Variants in TPD52L1 observed in about 807,000 individuals in gnomAD.
TPD52L1 encodes the protein TPD52 like 1, also known as tumor protein D53.
TPD52L1 carries 18 observed loss-of-function variants against 28.7 expected under a neutral mutation model. The observed-to-expected ratio is 0.63, with a 90% CI of 0.43 to 0.93. The LOEUF (loss-of-function observed/expected upper bound fraction) is 0.93. Ranked by LOEUF, TPD52L1 falls within the 40% of genes least tolerant of loss-of-function variation. The pLI, the probability that TPD52L1 is intolerant of heterozygous loss-of-function variation, is 0.00. For missense variants in TPD52L1, 203 were observed against 254.8 expected (o/e 0.80, Z 1.39); for synonymous variants, 75 against 88.8 (o/e 0.84, Z 0.88).
intron 1 of TPD52L1, among the ~76,000 whole-genome samples, chr6:125,217,043 A>G (rs1452232518): frequency 6.6e-6 from 1 of 152,220 alleles, no homozygotes; most frequent in Non-Finnish European, 1.5e-5. Context: ...TTAAATAATT[A>G]TAAGTACACA....
intron 1 of TPD52L1, among the ~76,000 whole-genome samples, chr6:125,210,956 A>G (rs1288281632): frequency 6.6e-6 from 1 of 152,208 alleles, no homozygotes. Context: ...TTCCAATATC[A>G]CTATACTATC....
chr6:125,251,307 G>A (rs2115044128), intron 4 of TPD52L1, among the ~76,000 whole-genome samples: 1 of 151,998 alleles, frequency 6.6e-6, no homozygotes, highest in Non-Finnish European at 1.5e-5. Context: ...GTGCATTCTG[G>A]TAACAAATTT....
At chr6:125,229,310 C>G (rs1201161132) in intron 3 of TPD52L1, 44 bp downstream of exon 3, 2 of 1,545,384 alleles carry the variant, frequency 1.3e-6, no homozygotes, top group African/African-American at 1.4e-5. Flanking sequence ...AGCCTGATGT[C>G]TCCTCACTCT....
intron 5 of TPD52L1, among the ~76,000 whole-genome samples, chr6:125,256,214 G>A (rs1350326729): frequency 1.3e-5 from 2 of 152,142 alleles, no homozygotes; most frequent in Non-Finnish European, 2.9e-5. Flanking sequence ...GCTGGATGTG[G>A]TGGTGGGCAC....
At chr6:125,194,160 G>A (rs1273018080) in intron 1 of TPD52L1, among the ~76,000 whole-genome samples, 1 of 151,366 alleles carries the variant, frequency 6.6e-6, no homozygotes, top group Non-Finnish European at 1.5e-5. Flanking sequence ...CTTAATTATA[G>A]GATTAGTTTT....
intron 1 of TPD52L1, among the ~76,000 whole-genome samples, chr6:125,172,275 ATCCT>A (rs1240384312): frequency 2.5e-4 from 26 of 104,742 alleles, no homozygotes; most frequent in African/African-American, 7.9e-4. Context: ...CTATCCATCC[ATCCT>A]TCCTTCTTTC....
At chr6:125,221,140 T>G (rs1360544209) in intron 2 of TPD52L1, among the ~76,000 whole-genome samples, 1 of 152,194 alleles carries the variant, frequency 6.6e-6, no homozygotes, top group Non-Finnish European at 1.5e-5. Context: ...AGAATAATAT[T>G]AAAGATTTTC....
intron 4 of TPD52L1, chr6:125,251,942 C>T: frequency 6.9e-7 from 1 of 1,457,068 alleles, no homozygotes; most frequent in South Asian, 1.2e-5. Context: ...AAGGGGACCA[C>T]CAAGGGCAGT....
chr6:125,171,736 C>T (rs983797195), intron 1 of TPD52L1, among the ~76,000 whole-genome samples: 1 of 152,076 alleles, frequency 6.6e-6, no homozygotes, highest in Non-Finnish European at 1.5e-5. Flanking sequence ...GCAGTATGGC[C>T]GACACTTTGA....
At chr6:125,233,704 T>C (rs1235674950) in intron 3 of TPD52L1, among the ~76,000 whole-genome samples, 2 of 152,364 alleles carry the variant, frequency 1.3e-5, no homozygotes, top group South Asian at 2.1e-4. Context: ...AGAGGAAATA[T>C]ATTCGTGCTG....
intron 6 of TPD52L1, chr6:125,260,906 AAGG>A (rs1797884004): frequency 8.8e-6 from 1 of 113,204 alleles, no homozygotes; most frequent in Non-Finnish European, 1.7e-5. Flanking sequence ...GGGAGAAAGA[AAGG>A]AAAGAAAGAA....
At chr6:125,168,859 G>C (rs1417920366) in intron 1 of TPD52L1, among the ~76,000 whole-genome samples, 1 of 152,068 alleles carries the variant, frequency 6.6e-6, no homozygotes, top group Non-Finnish European at 1.5e-5. Context: ...AAATGTTTTG[G>C]TTTATGTAGT....
At position 125,190,932 on chromosome 6, in the gene TPD52L1, T is replaced by C. The variant is rs1268616407; in HGVS notation, c.20-29146T>C. Reference sequence around the variant, plus strand: ...TAACCGCCTGTATGTAGCCCAGGGGTTGGGGACCCCTGCTTTAGAGTATGT... The same window carrying C: ...TAACCGCCTGTATGTAGCCCAGGGGCTGGGGACCCCTGCTTTAGAGTATGT... On this transcript the variant is annotated intron_variant, in intron 1 of 6. Coordinates refer to ENST00000534000, the MANE Select transcript of TPD52L1 (RefSeq NM_003287.4). Among the ~76,000 whole-genome samples, 5 of 152,154 alleles carry C rather than the reference T, an allele frequency of 3.3e-5. No individual in the cohort carries two copies. In the South Asian group the frequency reaches 1.0e-3, roughly 32 times the overall value.
At chr6:125,201,562 G>A (rs552118300) in intron 1 of TPD52L1, among the ~76,000 whole-genome samples, 105 of 152,300 alleles carry the variant, frequency 6.9e-4, no homozygotes, top group African/African-American at 2.4e-3. Context: ...CCAATCAGGT[G>A]TCACAGTGCA....
At chr6:125,261,699 A>C (rs552783520) in intron 6 of TPD52L1, 1 of 152,002 alleles carries the variant, frequency 6.6e-6, no homozygotes, top group South Asian at 2.1e-4. Flanking sequence ...GAGATTAGGA[A>C]GCCAGTTTTA....
chr6:125,178,815 C>T (rs1368177926), intron 1 of TPD52L1, among the ~76,000 whole-genome samples: 2 of 152,148 alleles, frequency 1.3e-5, no homozygotes, highest in African/African-American at 4.8e-5. Context: ...ATTTAGGCTA[C>T]TTCCCAATAG....
At chr6:125,219,388 T>A (rs913783767) in intron 1 of TPD52L1, among the ~76,000 whole-genome samples, 2 of 152,140 alleles carry the variant, frequency 1.3e-5, no homozygotes, top group African/African-American at 4.8e-5. Flanking sequence ...CCAGAGTCAG[T>A]TTGTCAGTGA....
intron 1 of TPD52L1, among the ~76,000 whole-genome samples, chr6:125,172,811 T>C (rs1220485279): frequency 6.6e-6 from 1 of 151,302 alleles, no homozygotes; most frequent in African/African-American, 2.4e-5. Flanking sequence ...CAGAATTTAT[T>C]GAATAAATAA....
rs138172013 is a variant in TPD52L1, at chr6:125,242,861, T to C, written c.285-5421T>C. ...GTTGTTGCCTAAATACTGTTTTGTT[T>C]TGTTTCATTTTGTTCTTGTTTTATA... On this transcript the variant is annotated intron_variant, in intron 3 of 6. Transcript: ENST00000534000. 9.8e-4 allele frequency among the ~76,000 whole-genome samples: 149 copies of C among 152,244 alleles called. 1 individual carries two copies. The highest frequency in any genetic ancestry group is 3.5e-3 in the African/African-American group (147 of 41,564).
Sources: allele counts gnomAD v4.1 joint callset (sites outside exome capture counted in the v4.1 genomes callset), GRCh38; gene constraint gnomAD v4.1.1; transcripts MANE v1.5; gene names NCBI Gene and HGNC (gene_info 2026-07-23, HGNC 2026-07-21).